The following CNTNAP4 variants were observed in gnomAD, a reference collection of about 807,000 sequenced individuals.
CNTNAP4 encodes the protein contactin associated protein family member 4.
In CNTNAP4, 98 loss-of-function variants were observed where a neutral mutation model predicts 148.4. That is an observed-to-expected ratio of 0.66 (90% CI 0.56 to 0.78). The LOEUF (loss-of-function observed/expected upper bound fraction) is 0.78, where lower values mean the gene tolerates loss of function less well. Among genes scored for constraint, CNTNAP4 ranks in the 30% least tolerant of loss-of-function variants. CNTNAP4 has a pLI of 0.00. For missense variants in CNTNAP4, 1,935 were observed against 1,565.6 expected, an observed-to-expected ratio of 1.24 and a Z score of -3.98; for synonymous variants, 730 against 565.1, an observed-to-expected ratio of 1.29 and a Z score of -4.14.
chr16:76,280,905 T>A lies in CNTNAP4; in HGVS notation c.85+3158T>A, dbSNP rs978326856. 2.0e-5 allele frequency among the ~76,000 whole-genome samples: 3 copies of A among 152,294 alleles called. No homozygotes were observed. In the East Asian group the frequency reaches 5.8e-4, roughly 29 times the overall value. On this transcript the variant is annotated intron_variant, in intron 1 of 23. Transcript: ENST00000611870. ...GAAGGAATGGGTACAGTAGTAAGGC[T>A]GATAAGAGTTTGCTTTTATTTTAAC...
At chr16:76,337,309 A>C (rs1001216462) in intron 2 of CNTNAP4, among the ~76,000 whole-genome samples, 1 of 152,056 alleles carries the variant, frequency 6.6e-6, no homozygotes, top group Admixed American at 6.6e-5. Flanking sequence ...GTTCTTTTCT[A>C]TTTTCCCTAA....
intron 1 of CNTNAP4, among the ~76,000 whole-genome samples, chr16:76,297,555 T>G (rs1475027911): frequency 6.6e-6 from 1 of 152,206 alleles, no homozygotes; most frequent in Non-Finnish European, 1.5e-5. Flanking sequence ...TACTTGACTT[T>G]ACTTGATTAT....
chr16:76,379,893 AT>A (rs1046444354), intron 3 of CNTNAP4, among the ~76,000 whole-genome samples: 3 of 152,132 alleles, frequency 2.0e-5, no homozygotes, highest in African/African-American at 7.2e-5. Flanking sequence ...TTAAGTTCAG[AT>A]TTTCAAAGAT....
At chr16:76,473,848 TTTG>T (rs201762483) in intron 10 of CNTNAP4, among the ~76,000 whole-genome samples, 3,783 of 11,096 alleles carry the variant, frequency 0.34, 71 homozygotes, top group East Asian at 0.48. Flanking sequence ...AGGTTTTTTT[TTTG>T]TTTTGTTTTG....
At chr16:76,312,747 G>A (rs1961273142) in intron 1 of CNTNAP4, among the ~76,000 whole-genome samples, 1 of 152,040 alleles carries the variant, frequency 6.6e-6, no homozygotes, top group African/African-American at 2.4e-5. Context: ...TTATAGATAC[G>A]GTTCTATCAC....
chr16:76,297,560 G>C (rs1190219750), intron 1 of CNTNAP4, among the ~76,000 whole-genome samples: 1 of 152,062 alleles, frequency 6.6e-6, no homozygotes, highest in Non-Finnish European at 1.5e-5. Context: ...GACTTTACTT[G>C]ATTATAATCT....
At chr16:76,511,838 G>GGAGAGAGAGAGAGAGA (rs61708542) in intron 15 of CNTNAP4, among the ~76,000 whole-genome samples, 3,674 of 148,180 alleles carry the variant, frequency 0.025, 77 homozygotes, top group East Asian at 0.086. Flanking sequence ...ATATTTTCTT[G>GGAGAGAGAGAGAGAGA]GAGAGAGAGA....
intron 10 of CNTNAP4, among the ~76,000 whole-genome samples, chr16:76,472,977 G>C (rs1432851273): frequency 1.3e-5 from 2 of 152,012 alleles, no homozygotes; most frequent in Non-Finnish European, 1.5e-5. Flanking sequence ...AAAATAAAAA[G>C]ACATAAGTAT....
At chr16:76,315,617 C>G (rs886439397) in intron 1 of CNTNAP4, among the ~76,000 whole-genome samples, 1 of 151,794 alleles carries the variant, frequency 6.6e-6, no homozygotes, top group African/African-American at 2.4e-5. Flanking sequence ...TTTTTTGAGA[C>G]AGCGTCTTAC....
intron 3 of CNTNAP4, among the ~76,000 whole-genome samples, chr16:76,425,926 G>C (rs934464575): frequency 6.6e-6 from 1 of 152,160 alleles, no homozygotes; most frequent in Admixed American, 6.6e-5. Context: ...GCTCAGAGGG[G>C]AAGACATTGG....
At chr16:76,352,043 A>G (rs759918465) in intron 2 of CNTNAP4, among the ~76,000 whole-genome samples, 4 of 152,182 alleles carry the variant, frequency 2.6e-5, no homozygotes, top group Non-Finnish European at 5.9e-5. Flanking sequence ...TCTCAAAGGT[A>G]TTAGCTGACA....
intron 10 of CNTNAP4, among the ~76,000 whole-genome samples, chr16:76,472,170 G>A (rs1345093272): frequency 6.6e-6 from 1 of 151,898 alleles, no homozygotes; most frequent in Non-Finnish European, 1.5e-5. Flanking sequence ...GAGTGAGTAG[G>A]GAGGAGAAAA....
chr16:76,513,580 TTTAA>T (rs1296952380), intron 15 of CNTNAP4, among the ~76,000 whole-genome samples: 2 of 152,216 alleles, frequency 1.3e-5, no homozygotes, highest in African/African-American at 2.4e-5. Flanking sequence ...AGTCTAATAC[TTTAA>T]TTAATATTTA....
chr16:76,507,257 G>A (rs115912337), intron 15 of CNTNAP4, among the ~76,000 whole-genome samples: 2,575 of 96,732 alleles, frequency 0.027, 414 homozygotes, highest in African/African-American at 0.063. Flanking sequence ...ATTTTAAAAT[G>A]TACAATTACA....
intron 3 of CNTNAP4, among the ~76,000 whole-genome samples, chr16:76,388,231 A>G (rs2016675955): frequency 6.6e-6 from 1 of 152,218 alleles, no homozygotes; most frequent in African/African-American, 2.4e-5. Context: ...ACTGCTGTTC[A>G]TTTCATCCAT....
chr16:76,452,960 G>A (rs962404747), intron 8 of CNTNAP4, among the ~76,000 whole-genome samples, 191 bp downstream of exon 8: 4 of 152,160 alleles, frequency 2.6e-5, no homozygotes, highest in African/African-American at 9.7e-5. Context: ...TCCAACACTA[G>A]CAGTTCTTAT....
chr16:76,459,111 G>A (rs1246094188), intron 8 of CNTNAP4, among the ~76,000 whole-genome samples: 1 of 152,208 alleles, frequency 6.6e-6, no homozygotes, highest in African/African-American at 2.4e-5. Flanking sequence ...GAGAAGTAGA[G>A]TCTTGCACAC....
intron 2 of CNTNAP4, among the ~76,000 whole-genome samples, chr16:76,339,774 T>C (rs1964319721): frequency 1.3e-5 from 2 of 152,386 alleles, no homozygotes; most frequent in Admixed American, 6.5e-5. Context: ...CTCGCTTTTA[T>C]GTTTGAGCAG....
intron 2 of CNTNAP4, among the ~76,000 whole-genome samples, chr16:76,349,992 T>C (rs946423057): frequency 2.0e-5 from 3 of 152,090 alleles, no homozygotes; most frequent in African/African-American, 7.2e-5. Context: ...TCTTCACTTT[T>C]TCCTTTTACT....
Sources: gnomAD v4.1 joint callset for allele counts (sites outside exome capture counted in the v4.1 genomes callset) on GRCh38, gnomAD v4.1.1 for gene constraint, MANE v1.5 for transcripts, NCBI Gene and HGNC (gene_info 2026-07-23, HGNC 2026-07-21) for gene names.